OPHN1: variants seen among roughly 807,000 people sequenced by gnomAD.
OPHN1 encodes the protein oligophrenin 1.
A neutral mutation model predicts 60.7 loss-of-function variants in OPHN1; 11 were observed. The observed-to-expected ratio is 0.18, with a 90% CI of 0.11 to 0.30. The LOEUF (loss-of-function observed/expected upper bound fraction) is 0.30. OPHN1 is among the 10% of genes least tolerant of loss of function. OPHN1 has a pLI of 1.00. For synonymous variants in OPHN1, 226 were observed against 222.6 expected (o/e 1.02, Z -0.14); for missense variants, 449 against 611.0 (o/e 0.73, Z 2.80).
intron 2 of OPHN1, among the ~76,000 whole-genome samples, chrX:68,359,200 T>TATG (rs1410199249): frequency 2.7e-5 from 3 of 112,023 alleles, no homozygotes; most frequent in African/African-American, 9.7e-5. Context: ...TACCCTCTCA[T>TATG]ATGATTATAG....
chrX:68,131,670 T>C (rs1410398793), intron 15 of OPHN1, among the ~76,000 whole-genome samples: 1 of 112,309 alleles, frequency 8.9e-6, no homozygotes, highest in Non-Finnish European at 1.9e-5. Context: ...TAACACATCA[T>C]TTTCATTAAA....
chrX:68,311,108 T>G (rs920284147), intron 2 of OPHN1, among the ~76,000 whole-genome samples: 1 of 108,726 alleles, frequency 9.2e-6, no homozygotes, highest in Non-Finnish European at 1.9e-5. Context: ...AAAAAAAAAA[T>G]TATTTAAAAT....
chrX:68,374,298 G>A (rs1354108685), intron 2 of OPHN1, among the ~76,000 whole-genome samples: 1 of 106,588 alleles, frequency 9.4e-6, no homozygotes, highest in Admixed American at 1.0e-4. Flanking sequence ...AGAGGTTGCA[G>A]TGAACCGAGA....
chrX:68,391,749 GGAGGA>G (rs1163974430), intron 2 of OPHN1, among the ~76,000 whole-genome samples: 1 of 111,616 alleles, frequency 9.0e-6, no homozygotes, highest in African/African-American at 3.3e-5. Context: ...GAGGATCAAT[GGAGGA>G]GAGAAGTCAG....
chrX:68,186,490 G>T (rs2077463104), intron 15 of OPHN1, among the ~76,000 whole-genome samples: 1 of 108,413 alleles, frequency 9.2e-6, no homozygotes, highest in South Asian at 4.1e-4. Context: ...AAAAAAAAAA[G>T]CTAGTGGCAA....
At chrX:68,265,223 A>G (rs138352021) in intron 5 of OPHN1, among the ~76,000 whole-genome samples, 23,613 of 111,428 alleles carry the variant, frequency 0.21, 2,355 homozygotes, top group African/African-American at 0.39. Context: ...GAACAGACAG[A>G]CTGCCTCCTC....
chrX:68,217,437 G>C (rs1383479024), intron 6 of OPHN1, among the ~76,000 whole-genome samples: 1 of 112,163 alleles, frequency 8.9e-6, no homozygotes, highest in African/African-American at 3.2e-5. Flanking sequence ...ACAGCTCAAG[G>C]AGGCCTGCCT....
intron 5 of OPHN1, among the ~76,000 whole-genome samples, chrX:68,263,528 CA>C (rs1293727482): frequency 1.8e-5 from 2 of 112,039 alleles, no homozygotes; most frequent in African/African-American, 6.5e-5. Flanking sequence ...AATTTTTTAG[CA>C]CATATAATTG....
chrX:68,066,855 G>T (rs1474663314), intron 20 of OPHN1, among the ~76,000 whole-genome samples: 3 of 112,121 alleles, frequency 2.7e-5, no homozygotes, highest in Non-Finnish European at 3.8e-5. Flanking sequence ...AGAGTTCATT[G>T]CTCTGTCAGG....
At chrX:68,069,395 T>C (rs2076924993) in intron 20 of OPHN1, among the ~76,000 whole-genome samples, 1 of 111,594 alleles carries the variant, frequency 9.0e-6, no homozygotes, top group South Asian at 3.8e-4. Flanking sequence ...ACCCATTCTG[T>C]AAAAATGAGA....
intron 2 of OPHN1, among the ~76,000 whole-genome samples, chrX:68,431,775 T>C (rs959926255): frequency 8.1e-5 from 9 of 111,274 alleles, no homozygotes; most frequent in African/African-American, 2.0e-4. Context: ...CTTGGTTGAC[T>C]GCATCCGCCT....
intron 15 of OPHN1, among the ~76,000 whole-genome samples, chrX:68,139,209 T>C (rs957041234): frequency 8.9e-6 from 1 of 111,861 alleles, no homozygotes; most frequent in Non-Finnish European, 1.9e-5. Flanking sequence ...GGACCTTGTT[T>C]GGATCCTGAT....
intron 6 of OPHN1, among the ~76,000 whole-genome samples, chrX:68,219,588 C>A (rs2077640258): frequency 9.0e-6 from 1 of 111,113 alleles, no homozygotes; most frequent in Non-Finnish European, 1.9e-5. Context: ...ATCTCTCAGA[C>A]CACAGTGCAA....
chrX:68,140,270 A>G (rs1345486948), intron 15 of OPHN1, among the ~76,000 whole-genome samples: 1 of 111,855 alleles, frequency 8.9e-6, no homozygotes, highest in East Asian at 2.8e-4. Context: ...AAACATTAAG[A>G]AATCTAGACA....
chrX:68,132,377 T>G (rs1272319377), intron 15 of OPHN1, among the ~76,000 whole-genome samples: 12 of 107,285 alleles, frequency 1.1e-4, no homozygotes, highest in Non-Finnish European at 2.1e-4. Context: ...CCATAAAAAA[T>G]GATGAGTTCA....
chrX:68,142,057 C>G (rs1356521072), intron 15 of OPHN1, among the ~76,000 whole-genome samples: 1 of 111,829 alleles, frequency 8.9e-6, no homozygotes, highest in Non-Finnish European at 1.9e-5. Flanking sequence ...ACCGGGGCCC[C>G]TGGCAAACAG....
At chrX:68,430,418 T>G (rs2078880179) in intron 2 of OPHN1, among the ~76,000 whole-genome samples, 1 of 112,092 alleles carries the variant, frequency 8.9e-6, no homozygotes, top group Non-Finnish European at 1.9e-5. Flanking sequence ...AACAGAAAAC[T>G]ACCACAAATT....
chrX:68,059,067 T>A (rs191872021), intron 21 of OPHN1, among the ~76,000 whole-genome samples: 1 of 112,084 alleles, frequency 8.9e-6, no homozygotes, highest in Non-Finnish European at 1.9e-5. Flanking sequence ...AACTCACATC[T>A]GGAAGATTCA....
intron 3 of OPHN1, among the ~76,000 whole-genome samples, chrX:68,284,002 C>T (rs949575154): frequency 1.4e-4 from 16 of 111,026 alleles, no homozygotes; most frequent in Non-Finnish European, 3.0e-4. Context: ...AGAGCTCAAC[C>T]GTAGCATAGA....
Sources: allele counts gnomAD v4.1 joint callset (sites outside exome capture counted in the v4.1 genomes callset), GRCh38; gene constraint gnomAD v4.1.1; transcripts MANE v1.5; gene names NCBI Gene and HGNC (gene_info 2026-07-23, HGNC 2026-07-21).